The following SLC9A3 variants were observed in gnomAD, a reference collection of about 807,000 sequenced individuals.
The protein encoded by SLC9A3 is sodium/hydrogen exchanger 3.
In SLC9A3, 37 loss-of-function variants were observed where a neutral mutation model predicts 86.8. The observed-to-expected ratio is 0.43, with a 90% confidence interval of 0.33 to 0.56. The LOEUF is 0.56. Ranked by LOEUF, SLC9A3 falls within the 20% of genes least tolerant of loss-of-function variation. The pLI is 0.06. For missense variants in SLC9A3, 1,011 were observed against 1,171.9 expected, an observed-to-expected ratio of 0.86 and a Z score of 2.00; for synonymous variants, 581 against 528.3, an observed-to-expected ratio of 1.10 and a Z score of -1.37.
At chr5:476,892 T>G (rs1738779074) in intron 11 of SLC9A3, among the ~76,000 whole-genome samples, 1 of 152,226 alleles carries the variant, frequency 6.6e-6, no homozygotes, top group Non-Finnish European at 1.5e-5. Context: ...CTTCCTGGCC[T>G]CCTGTCTGAA....
rs1447242732 is a variant in SLC9A3 at position 474,230 on chromosome 5, GAC to G, written c.2501+651_2501+652del. Among the ~76,000 whole-genome samples the G allele has an allele frequency of 4.9e-4, 26 of 53,096 alleles. 3 individuals are homozygous for G. Among genetic ancestry groups the G allele is most frequent in the Admixed American group, 1.5e-3 (11 of 7,224 alleles). The allele number at this position is 53,096 out of a possible 152,430, so 34.8% of individuals were successfully genotyped here. A position where few individuals can be genotyped will look rare whatever the true frequency, so the allele number is the denominator to read the frequency against. ...CAGGTTCCGGTCCAGGGAGGAGAGA[GAC>G]AGCGCGCGCGAGGCGGAGACCTGGA... On this transcript the variant is annotated intron_variant, in intron 16 of 16. Transcript: ENST00000264938.
At position 491,297 on chromosome 5, in the gene SLC9A3, GC is replaced by G. The variant is rs777273369; in HGVS notation, c.514+471del. 4.6e-5 allele frequency among the ~76,000 whole-genome samples: 7 copies of G among 152,124 alleles called. No homozygotes were observed. The highest frequency in any genetic ancestry group is 8.8e-5 in the Non-Finnish European group (6 of 68,002). On this transcript the variant is annotated intron_variant, in intron 2 of 16. Transcript: ENST00000264938. This position sits in a 1 kb window ranked among gnomAD's most constrained non-coding sequence, Gnocchi z 9.2. Reference sequence around the variant, plus strand: ...GTCTGGGTCCGGGGCGGGAGGCAGTGCCCGAGAGATGAAGCATCCAAGACCA... The same window carrying G: ...GTCTGGGTCCGGGGCGGGAGGCAGTGCCGAGAGATGAAGCATCCAAGACCA...
At chr5:500,283 C>T (rs1372899497) in intron 1 of SLC9A3, among the ~76,000 whole-genome samples, 1 of 152,240 alleles carries the variant, frequency 6.6e-6, no homozygotes, top group African/African-American at 2.4e-5. Context: ...ACGAGAAGCT[C>T]CACAGACGGA....
intron 1 of SLC9A3, among the ~76,000 whole-genome samples, chr5:519,624 C>T (rs930770763): frequency 2.6e-5 from 4 of 152,254 alleles, no homozygotes; most frequent in African/African-American, 9.6e-5. Context: ...AGTCAAGTGT[C>T]GGGTGAGGAC....
chr5:492,085 G>A lies in SLC9A3; in HGVS notation c.212-14C>T, dbSNP rs1473401287. ...ACAGGTGGAACCCTGTGGGGGAAGGGAGGGAGGTCAGGGCCGGGCTGTGAG... is the reference window on the plus strand; with the variant it reads ...ACAGGTGGAACCCTGTGGGGGAAGGAAGGGAGGTCAGGGCCGGGCTGTGAG... On this transcript the variant is annotated splice_polypyrimidine_tract_variant and intron_variant, in intron 1 of 16. Coordinates refer to ENST00000264938, the MANE Select transcript of SLC9A3 (RefSeq NM_004174.4). 6.8e-7 allele frequency: 1 copy of A among 1,460,128 alleles called. No individual in the cohort carries two copies. The highest frequency in any genetic ancestry group is 1.5e-5 in the African/African-American group (1 of 66,928). The allele number at this position is 1,460,128 out of a possible 1,614,324, so 90.4% of individuals were successfully genotyped here.
At position 504,703 on chromosome 5, in the gene SLC9A3, AG is replaced by A. The variant is rs140819543; in HGVS notation, c.212-12633del. Among the ~76,000 whole-genome samples, 48 of 152,290 alleles carry A rather than the reference AG, an allele frequency of 3.2e-4. 1 individual carries two copies. The East Asian group carries it at 8.9e-3, about 28-fold the overall frequency. ...ATGGGCACCGGGACCTGCACCCCTC[AG>A]CGCTGTGAGGCCACTGTCTCTAAAC... On this transcript the variant is annotated intron_variant, in intron 1 of 16. Transcript: ENST00000264938.
chr5:494,628 GGC>G (rs1739936667), intron 1 of SLC9A3, among the ~76,000 whole-genome samples: 1 of 152,142 alleles, frequency 6.6e-6, no homozygotes, highest in African/African-American at 2.4e-5. Context: ...TCTTCCTGAG[GGC>G]TGTAAATCCC....
At chr5:481,129 A>T (rs1739139041) in intron 9 of SLC9A3, among the ~76,000 whole-genome samples, 1 of 152,186 alleles carries the variant, frequency 6.6e-6, no homozygotes, top group Non-Finnish European at 1.5e-5. Flanking sequence ...ACCTCAAGTG[A>T]GCTGACCACC....
At chr5:480,021 C>CG in intron 9 of SLC9A3, 56 bp from the exon 10 acceptor site, 1 of 1,581,418 alleles carries the variant, frequency 6.3e-7, no homozygotes, top group South Asian at 1.1e-5. Context: ...TAGAGCCCGC[C>CG]GGACGCGTGG....
In SLC9A3 at chr5:471,596, G is replaced by T; in HGVS notation, c.*1783C>A. ...TGGCTGCAGCAGGGAACCAGGGCTG[G>T]CCTTGGATCTGTCCAGTAGGGTCAC... On this transcript the variant is annotated 3_prime_UTR_variant, in exon 17 of 17. Coordinates refer to ENST00000264938, the MANE Select transcript of SLC9A3 (RefSeq NM_004174.4). The T allele has an allele frequency of 2.8e-6, 1 of 361,872 alleles. No individual in the cohort carries two copies. The highest frequency in any genetic ancestry group is 5.5e-6 in the Non-Finnish European group (1 of 183,184). The allele number at this position is 361,872 out of a possible 1,614,324, so 22.4% of individuals were successfully genotyped here.
chr5:492,661 G>GC (rs921119269), intron 1 of SLC9A3, among the ~76,000 whole-genome samples: 4 of 151,392 alleles, frequency 2.6e-5, no homozygotes, highest in South Asian at 2.1e-4. Context: ...ACGGTGGTCG[G>GC]GGGGGGGCCT....
Position 512,301 on chromosome 5 carries a change from G to A in SLC9A3, c.211+11811C>T, listed in dbSNP as rs1379072560. On this transcript the variant is annotated intron_variant, in intron 1 of 16. Transcript: ENST00000264938. ...CCAAGAACGAGCCCTAACGTAAACCGTGGACCTTAATTAATAATGTATCAA... is the reference window on the plus strand; with the variant it reads ...CCAAGAACGAGCCCTAACGTAAACCATGGACCTTAATTAATAATGTATCAA... Among the ~76,000 whole-genome samples the A allele has an allele frequency of 1.5e-4, 9 of 62,038 alleles. 1 individual carries two copies. The highest frequency in any genetic ancestry group is 9.1e-4 in the Admixed American group (5 of 5,516). The allele number at this position is 62,038 out of a possible 152,430, so 40.7% of individuals were successfully genotyped here.
chr5:510,399 A>C (rs894111087), intron 1 of SLC9A3, among the ~76,000 whole-genome samples: 1 of 152,216 alleles, frequency 6.6e-6, no homozygotes, highest in Non-Finnish European at 1.5e-5. Flanking sequence ...AGGGGCCAGC[A>C]CAGTCAGGCT....
At chr5:477,516 G>A in intron 10 of SLC9A3, 72 bp from the exon 11 acceptor site, 3 of 1,177,344 alleles carry the variant, frequency 2.5e-6, no homozygotes, top group South Asian at 2.7e-5. Context: ...TGTGCCCTGG[G>A]GGGAAGCGCC....
intron 1 of SLC9A3, among the ~76,000 whole-genome samples, chr5:521,273 C>T (rs1046266216): frequency 7.2e-5 from 11 of 152,200 alleles, no homozygotes; most frequent in African/African-American, 2.7e-4. Flanking sequence ...AACAGCAGCA[C>T]CTGTTCCTTG....
chr5:482,653 G>A lies in SLC9A3; in HGVS notation c.1251C>T (p.Ala417=), dbSNP rs368918554. The A allele has an allele frequency of 3.1e-5, 50 of 1,612,462 alleles. 1 individual carries two copies. In the Middle Eastern group the frequency reaches 4.9e-4, roughly 16 times the overall value. Residue 417 remains alanine (A), a synonymous_variant, in exon 7 of 17, where the codon GCC becomes GCT. Coordinates refer to ENST00000264938, the MANE Select transcript of SLC9A3 (RefSeq NM_004174.4). ...VVLSYGGLRG[A]VAFALVVLLD... ...GAAGCACCACCAGGGCAAAGGCCAC[G>A]GCCCCGCGCAGGCCCCCGTAGGACA...
At chr5:483,152 T>G in intron 6 of SLC9A3, 110 bp downstream of exon 6, 1 of 850,300 alleles carries the variant, frequency 1.2e-6, no homozygotes, top group South Asian at 1.7e-5. Context: ...TCCTCTGCCT[T>G]GCACGGGGCT....
At position 497,023 on chromosome 5, in the gene SLC9A3, C is replaced by T. The variant is rs754746038; in HGVS notation, c.212-4952G>A. On this transcript the variant is annotated intron_variant, in intron 1 of 16. Transcript: ENST00000264938. The surrounding 1 kb of genome is among the most constrained non-coding windows in gnomAD (Gnocchi z 5.4). ...TGAGCCAAGATCACACCACTACATTCCAGCCTGGGCGACGGAGGCCTTGTC... is the reference window on the plus strand; with the variant it reads ...TGAGCCAAGATCACACCACTACATTTCAGCCTGGGCGACGGAGGCCTTGTC... Among the ~76,000 whole-genome samples the T allele has an allele frequency of 6.6e-6, 1 of 152,184 alleles. No individual in the cohort carries two copies. The highest frequency in any genetic ancestry group is 1.5e-5 in the Non-Finnish European group (1 of 68,030).
At chr5:482,783 GGCCGCCCTCCCA>G (rs1350275528) in intron 6 of SLC9A3, 33 bp from the exon 7 acceptor site, 11 of 1,541,586 alleles carry the variant, frequency 7.1e-6, no homozygotes, top group Non-Finnish European at 9.7e-6. Flanking sequence ...TCAGCTCCCC[GGCCGCCCTCCCA>G]GCCGCGGGAC....
Sources: allele counts gnomAD v4.1 joint callset (sites outside exome capture counted in the v4.1 genomes callset), GRCh38; gene constraint gnomAD v4.1.1; non-coding constraint Gnocchi (gnomAD v3.1); transcripts MANE v1.5; gene names NCBI Gene and HGNC (gene_info 2026-07-23, HGNC 2026-07-21).